The following IFT81 variants were observed in gnomAD, a reference collection of about 807,000 sequenced individuals.
The protein encoded by IFT81 is intraflagellar transport protein 81 homolog.
Under a neutral mutation model 102.6 loss-of-function variants are expected in IFT81, and 72 were observed. The ratio of observed to expected loss-of-function variants is 0.70; its 90% CI spans 0.58 to 0.85. The LOEUF (loss-of-function observed/expected upper bound fraction) is 0.85. Ranked by LOEUF, IFT81 falls within the 40% of genes least tolerant of loss-of-function variation. The pLI is 0.00. For synonymous variants in IFT81, 237 were observed against 242.7 expected (o/e 0.98, Z 0.22); for missense variants, 723 against 787.3 (o/e 0.92, Z 0.98).
chr12:110,178,107 A>C (rs528084786), intron 11 of IFT81, among the ~76,000 whole-genome samples: 2 of 150,124 alleles, frequency 1.3e-5, no homozygotes, highest in African/African-American at 4.9e-5. Flanking sequence ...AGAAAAAAAA[A>C]ATTGGAAGGA....
chr12:110,161,787 A>C (rs139304369), intron 10 of IFT81, among the ~76,000 whole-genome samples: 1 of 152,234 alleles, frequency 6.6e-6, no homozygotes, highest in Non-Finnish European at 1.5e-5. Context: ...AGTTCTATGG[A>C]GTAAAACATT....
At chr12:110,135,036 A>C (rs1894396690) in intron 6 of IFT81, 23 bp downstream of exon 6, 1 of 1,562,946 alleles carries the variant, frequency 6.4e-7, no homozygotes, top group Non-Finnish European at 8.7e-7. Context: ...TAGTACTGTA[A>C]GACTTTGGCC....
At chr12:110,193,055 C>T (rs184961624) in intron 14 of IFT81, among the ~76,000 whole-genome samples, 5 of 152,060 alleles carry the variant, frequency 3.3e-5, no homozygotes, top group Admixed American at 6.6e-5. Context: ...CCCAGATTCT[C>T]GGGATGCTGA....
chr12:110,134,524 A>G (rs1894367660), intron 5 of IFT81, among the ~76,000 whole-genome samples: 1 of 152,218 alleles, frequency 6.6e-6, no homozygotes, highest in Non-Finnish European at 1.5e-5. Context: ...ATAGCCTTAA[A>G]AATAATTTTG....
chr12:110,134,670 T>A (rs1254526825), intron 5 of IFT81, among the ~76,000 whole-genome samples: 1 of 152,238 alleles, frequency 6.6e-6, no homozygotes, highest in Non-Finnish European at 1.5e-5. Flanking sequence ...ATATTTGGAA[T>A]CAGAACACAA....
At chr12:110,217,784 G>A (rs1393644985) in intron 18 of IFT81, among the ~76,000 whole-genome samples, 2 of 151,730 alleles carry the variant, frequency 1.3e-5, no homozygotes, top group African/African-American at 2.4e-5. Flanking sequence ...ACTTAGTGTT[G>A]GATTTAGTAG....
intron 1 of IFT81, among the ~76,000 whole-genome samples, chr12:110,126,277 CAA>C (rs11287085): frequency 0.25 from 24,745 of 97,296 alleles, 2,226 homozygotes; most frequent in African/African-American, 0.37. Flanking sequence ...GACTCCGTCT[CAA>C]AAAAAAAAAA....
intron 12 of IFT81, 21 bp from the exon 13 acceptor site, chr12:110,190,899 C>T: frequency 2.7e-6 from 4 of 1,481,658 alleles, no homozygotes; most frequent in Non-Finnish European, 2.7e-6. Context: ...GTTTTGTGGC[C>T]TTTTTATTTT....
At position 110,218,219 on chromosome 12, in the gene IFT81, T is replaced by C; in HGVS notation, c.2024T>C (p.Ile675Thr). The C allele has an allele frequency of 6.5e-7, 1 of 1,532,806 alleles. No homozygotes were observed. Among genetic ancestry groups the C allele is most frequent in the African/African-American group, 1.4e-5 (1 of 71,114 alleles). 95.0% of individuals were successfully genotyped at this position (1,532,806 alleles called of 1,614,324 possible). A position where few individuals can be genotyped will look rare whatever the true frequency, so the allele number is the denominator to read the frequency against. The stretch of plus-strand genomic sequence containing the variant: ...CAGGAGGGTGGGGAGGACCGGCTAA[T>C]ACTGTGAATTCTTGTGTCATCGTTT... ...VIQEGGEDRL[I>T]L Residue 675 changes from isoleucine (I) to threonine (T), a missense_variant, in exon 19 of 19, where the codon ATA (isoleucine) becomes ACA (threonine). Coordinates refer to ENST00000242591, the MANE Select transcript of IFT81 (RefSeq NM_014055.4).
intron 18 of IFT81, among the ~76,000 whole-genome samples, chr12:110,210,310 T>C (rs957866170): frequency 1.3e-5 from 2 of 152,212 alleles, no homozygotes; most frequent in African/African-American, 4.8e-5. Context: ...ATTTAAAAAT[T>C]AAATTACCTA....
At chr12:110,164,702 A>G (rs758534463) in intron 11 of IFT81, among the ~76,000 whole-genome samples, 2 of 152,212 alleles carry the variant, frequency 1.3e-5, no homozygotes, top group Admixed American at 1.3e-4. Context: ...GGAAGTCAAC[A>G]TGTGATTGAA....
chr12:110,135,538 C>G, intron 7 of IFT81, 101 bp downstream of exon 7: 2 of 674,988 alleles, frequency 3.0e-6, no homozygotes, highest in South Asian at 3.8e-5. Context: ...CGTTCACGTT[C>G]CTTTTGCTAA....
chr12:110,134,981 C>G lies in IFT81; in HGVS notation c.553C>G (p.Leu185Val). The change falls in exon 6 of 19, where the codon CTC (leucine) becomes GTC (valine). Residue 185 changes from leucine to valine, a missense_variant. Coordinates refer to ENST00000242591, the MANE Select transcript of IFT81 (RefSeq NM_014055.4). ...ISAMEEEKDQ[L>V]IKRVEHLKKR... ...TGCAATGGAAGAAGAAAAGGATCAG[C>G]TCATTAAGAGAGTTGAACATTTGAA... The G allele has an allele frequency of 6.2e-7, 1 of 1,610,948 alleles. No homozygotes were observed. The highest frequency in any genetic ancestry group is 1.7e-5 in the Admixed American group (1 of 59,092).
At position 110,218,289 on chromosome 12, in the gene IFT81, G is replaced by A. The variant is rs1324900547; in HGVS notation, c.*63G>A. On this transcript the variant is annotated 3_prime_UTR_variant, in exon 19 of 19. Coordinates refer to ENST00000242591, the MANE Select transcript of IFT81 (RefSeq NM_014055.4). ...CTAGCTATAAGCCTAATCTCATAAT[G>A]TATTTCTTTTTTGAAACTGATTTGT... 1 of 1,240,264 alleles carries A rather than the reference G, an allele frequency of 8.1e-7. No homozygotes were observed. The highest frequency in any genetic ancestry group is 1.6e-5 in the African/African-American group (1 of 63,818). 76.8% of individuals were successfully genotyped at this position (1,240,264 alleles called of 1,614,324 possible).
At chr12:110,209,768 CAAAAA>C (rs774458929) in intron 18 of IFT81, among the ~76,000 whole-genome samples, 1 of 60,106 alleles carries the variant, frequency 1.7e-5, no homozygotes. Context: ...TACTCCATCT[CAAAAA>C]AAAAAAAAAA....
At chr12:110,174,288 A>T (rs1285352620) in intron 11 of IFT81, among the ~76,000 whole-genome samples, 6 of 147,280 alleles carry the variant, frequency 4.1e-5, no homozygotes, top group African/African-American at 7.5e-5. Context: ...AAAAAAAAAA[A>T]AAAAAAAAAA....
intron 11 of IFT81, among the ~76,000 whole-genome samples, chr12:110,179,634 T>C (rs1897201579): frequency 6.7e-6 from 1 of 148,642 alleles, no homozygotes; most frequent in Admixed American, 6.8e-5. Context: ...GGCAGGAGAA[T>C]TGCTTGATCC....
chr12:110,174,403 C>G (rs1243063512), intron 11 of IFT81, among the ~76,000 whole-genome samples: 1 of 147,026 alleles, frequency 6.8e-6, no homozygotes, highest in East Asian at 2.0e-4. Flanking sequence ...TGCAGTGACC[C>G]GAGATTGCAC....
At chr12:110,163,618 T>TA (rs1257268925) in intron 11 of IFT81, among the ~76,000 whole-genome samples, 9 of 150,002 alleles carry the variant, frequency 6.0e-5, no homozygotes, top group Admixed American at 3.3e-4. Flanking sequence ...TTTTCACTTT[T>TA]TTTTTTTTTT....
Sources: allele counts gnomAD v4.1 joint callset (sites outside exome capture counted in the v4.1 genomes callset), GRCh38; gene constraint gnomAD v4.1.1; transcripts MANE v1.5; gene names NCBI Gene and HGNC (gene_info 2026-07-23, HGNC 2026-07-21).